The following GASK1B variants were observed in gnomAD, a reference collection of about 807,000 sequenced individuals.
The protein encoded by GASK1B is golgi associated kinase 1B, also known as Golgi-associated kinase 1B.
A neutral mutation model predicts 42.8 loss-of-function variants in GASK1B; 34 were observed. The observed-to-expected ratio is 0.79, with a 90% CI of 0.60 to 1.06. GASK1B has a LOEUF of 1.06. Ranked by LOEUF, GASK1B falls within the 50% of genes least tolerant of loss-of-function variation. The probability of loss-of-function intolerance (pLI) is 0.00; values close to 1 mark genes in which losing one functional copy is unlikely to be tolerated. For synonymous variants in GASK1B, 262 were observed against 259.1 expected, an observed-to-expected ratio of 1.01 and a Z score of -0.11; for missense variants, 686 against 661.0, an observed-to-expected ratio of 1.04 and a Z score of -0.42.
In GASK1B at chr4:158,127,630, G is replaced by T; in HGVS notation, c.1353-16C>A. On this transcript the variant is annotated splice_polypyrimidine_tract_variant and intron_variant, in intron 4 of 4. Transcript: ENST00000585682. Reference sequence around the variant, plus strand: ...AGCTGGAAACCTGAAAAGATAAAATGATATTTCAATCTTAGTAATTGCTTG... The same window carrying T: ...AGCTGGAAACCTGAAAAGATAAAATTATATTTCAATCTTAGTAATTGCTTG... The T allele has an allele frequency of 6.2e-7, 1 of 1,606,794 alleles. No homozygotes were observed. Among genetic ancestry groups the T allele is most frequent in the South Asian group, 1.1e-5 (1 of 90,374 alleles).
In GASK1B at chr4:158,127,548, C is replaced by G; in HGVS notation, c.1419G>C (p.Leu473=). The change falls in exon 5 of 5, where the codon CTG becomes CTC. Residue 473 remains leucine, a synonymous_variant. Coordinates refer to ENST00000585682, the MANE Select transcript of GASK1B (RefSeq NM_001128424.2). The part of the protein sequence containing the change: ...QHLRQKLLQS[L]FLDKVYWESQ... Reference sequence around the variant, plus strand: ...TTTCCCAATACACTTTATCAAGAAACAGAGACTGAAGAAGTTTCTGCCGTA... The same window carrying G: ...TTTCCCAATACACTTTATCAAGAAAGAGAGACTGAAGAAGTTTCTGCCGTA... 3.1e-6 allele frequency: 5 copies of G among 1,613,650 alleles called. No individual in the cohort carries two copies. Among genetic ancestry groups the G allele is most frequent in the South Asian group, 1.1e-5 (1 of 91,078 alleles).
intron 2 of GASK1B, among the ~76,000 whole-genome samples, chr4:158,164,550 C>T (rs1732152834): frequency 6.6e-6 from 1 of 152,182 alleles, no homozygotes; most frequent in Non-Finnish European, 1.5e-5. Flanking sequence ...CAATTTGATT[C>T]ATAAAGAAAT....
chr4:158,141,980 C>G (rs1223539752), intron 3 of GASK1B, among the ~76,000 whole-genome samples: 9 of 109,742 alleles, frequency 8.2e-5, no homozygotes, highest in Non-Finnish European at 1.7e-4. Context: ...CTCTGTCGCC[C>G]AGGCCGGACT....
chr4:158,135,386 ATAT>A (rs1282952078), intron 3 of GASK1B, among the ~76,000 whole-genome samples: 3 of 150,728 alleles, frequency 2.0e-5, no homozygotes, highest in Non-Finnish European at 4.4e-5. Context: ...AATGCTGCTA[ATAT>A]TAATAATAAA....
chr4:158,152,585 G>A (rs1373503645), intron 3 of GASK1B, among the ~76,000 whole-genome samples: 1 of 151,390 alleles, frequency 6.6e-6, no homozygotes, highest in Non-Finnish European at 1.5e-5. Flanking sequence ...GATGAGCAAA[G>A]ATGCAAAAAT....
chr4:158,127,585 T>C lies in GASK1B; in HGVS notation c.1382A>G (p.Lys461Arg). ...AAGTTTCTGCCGTAAGTGCTGGCTC[T>C]TCAAAACAGAAACTGCAGAAGCTGG... ...EFPASAVSVL[K>R]SQHLRQKLLQ... The change falls in exon 5 of 5, where the codon AAG (lysine) becomes AGG (arginine). Residue 461 changes from lysine to arginine, a missense_variant. By Grantham distance (26) the Lys-to-Arg change is conservative (BLOSUM62 2). Transcript: ENST00000585682. 6.2e-7 allele frequency: 1 copy of C among 1,613,350 alleles called. No individual in the cohort carries two copies. The highest frequency in any genetic ancestry group is 8.5e-7 in the Non-Finnish European group (1 of 1,179,694).
At chr4:158,148,097 C>G (rs1357682264) in intron 3 of GASK1B, among the ~76,000 whole-genome samples, 1 of 151,980 alleles carries the variant, frequency 6.6e-6, no homozygotes, top group Non-Finnish European at 1.5e-5. Flanking sequence ...GCCTGTTGTC[C>G]CAGTTACTCA....
intron 2 of GASK1B, among the ~76,000 whole-genome samples, chr4:158,161,552 ATTC>A (rs1732007088): frequency 6.6e-6 from 1 of 152,196 alleles, no homozygotes; most frequent in African/African-American, 2.4e-5. Context: ...AAAACAAGGC[ATTC>A]TTCTTTGTTC....
chr4:158,157,728 A>G (rs1731811184), intron 2 of GASK1B, among the ~76,000 whole-genome samples: 1 of 152,166 alleles, frequency 6.6e-6, no homozygotes, highest in African/African-American at 2.4e-5. Context: ...TCAGAAGGAC[A>G]GCAGTTTCCT....
intron 2 of GASK1B, among the ~76,000 whole-genome samples, chr4:158,163,955 G>C (rs1197275704): frequency 6.6e-6 from 1 of 152,108 alleles, no homozygotes; most frequent in Non-Finnish European, 1.5e-5. Context: ...TTTTAACTTA[G>C]GTAAAAAGAG....
At chr4:158,153,586 C>T (rs548286873) in intron 3 of GASK1B, among the ~76,000 whole-genome samples, 1 of 152,156 alleles carries the variant, frequency 6.6e-6, no homozygotes, top group Admixed American at 6.5e-5. Flanking sequence ...GGAGCCATCA[C>T]ATTACCTGAC....
intron 3 of GASK1B, among the ~76,000 whole-genome samples, chr4:158,134,047 G>A (rs1730788777): frequency 6.6e-6 from 1 of 152,128 alleles, no homozygotes; most frequent in Non-Finnish European, 1.5e-5. Context: ...TATTGCCCTT[G>A]TCTAGCAAGG....
chr4:158,150,274 G>C (rs571031133), intron 3 of GASK1B, among the ~76,000 whole-genome samples: 10 of 152,196 alleles, frequency 6.6e-5, no homozygotes, highest in Admixed American at 5.9e-4. Flanking sequence ...ATCTCCCTCT[G>C]AGATGAAGGG....
At chr4:158,137,044 A>AT (rs1730920137) in intron 3 of GASK1B, among the ~76,000 whole-genome samples, 2 of 152,266 alleles carry the variant, frequency 1.3e-5, no homozygotes, top group Middle Eastern at 3.4e-3. Flanking sequence ...AAGATAACGG[A>AT]TTTTTTTAAA....
Position 158,170,849 on chromosome 4 carries a change from C to A in GASK1B, c.527G>T (p.Gly176Val). The A allele has an allele frequency of 6.2e-7, 1 of 1,614,212 alleles. No homozygotes were observed. Among genetic ancestry groups the A allele is most frequent in the South Asian group, 1.1e-5 (1 of 91,090 alleles). Residue 176 changes from glycine (G) to valine (V), a missense_variant, in exon 2 of 5, where the codon GGA becomes GTA. Gly to Val is a moderately radical substitution (Grantham distance 109, BLOSUM62 -3). Transcript: ENST00000585682. ...CCGCACCAACCTCCAGGGTCGCTCT[C>A]CAATCTTAACCAGGTTTGCTCCCTG... is the stretch of plus-strand genomic sequence containing the variant. Reference protein sequence around the residue: ...YAQGANLVKIGERPWRLVRGP... With the variant: ...YAQGANLVKIVERPWRLVRGP...
chr4:158,169,960 G>GA lies in GASK1B; in HGVS notation c.910+505dup, dbSNP rs768662658. On this transcript the variant is annotated intron_variant, in intron 2 of 4. Coordinates refer to ENST00000585682, the MANE Select transcript of GASK1B (RefSeq NM_001128424.2). ...GTTAAATAAAGAGGTTAAATCCATT[G>GA]AAAAAAAAAGGGGGGGTTAAACCTA... 9.3e-3 allele frequency: 3,741 copies of GA among 403,962 alleles called. 18 individuals are homozygous for GA. The highest frequency in any genetic ancestry group is 0.019 in the East Asian group (457 of 23,478). 25.0% of individuals were successfully genotyped at this position (403,962 alleles called of 1,614,324 possible). A position where few individuals can be genotyped will look rare whatever the true frequency, so the allele number is the denominator to read the frequency against.
chr4:158,146,194 A>G (rs1731324760), intron 3 of GASK1B, among the ~76,000 whole-genome samples: 1 of 151,992 alleles, frequency 6.6e-6, no homozygotes, highest in African/African-American at 2.4e-5. Flanking sequence ...ACATTTCCAG[A>G]CACTCTGCTG....
intron 3 of GASK1B, among the ~76,000 whole-genome samples, chr4:158,133,070 C>T (rs964449754): frequency 1.3e-5 from 2 of 152,164 alleles, no homozygotes; most frequent in African/African-American, 2.4e-5. Flanking sequence ...TTACGCAGTA[C>T]CTTCACTGAC....
intron 2 of GASK1B, among the ~76,000 whole-genome samples, chr4:158,160,948 G>A (rs1731964293): frequency 6.6e-6 from 1 of 152,110 alleles, no homozygotes. Context: ...GCTACCAGAG[G>A]CTGGGAGAGG....
Sources: gnomAD v4.1 joint callset for allele counts (sites outside exome capture counted in the v4.1 genomes callset) on GRCh38, gnomAD v4.1.1 for gene constraint, MANE v1.5 for transcripts, NCBI Gene and HGNC (gene_info 2026-07-23, HGNC 2026-07-21) for gene names.